Variants in SND1 observed in about 807,000 individuals in gnomAD.
SND1 encodes staphylococcal nuclease domain-containing protein 1.
Under a neutral mutation model 121.7 loss-of-function variants are expected in SND1, and 38 were observed. The ratio of observed to expected loss-of-function variants is 0.31; its 90% CI spans 0.24 to 0.41. SND1 has a LOEUF of 0.41. Among genes scored for constraint, SND1 ranks in the 10% least tolerant of loss-of-function variants. SND1 has a pLI of 1.00. For missense variants in SND1, 868 were observed against 1,184.6 expected (o/e 0.73, Z 3.92); for synonymous variants, 401 against 447.4 (o/e 0.90, Z 1.31).
intron 10 of SND1, among the ~76,000 whole-genome samples, chr7:127,754,572 T>A (rs1233585516): frequency 6.6e-6 from 1 of 151,994 alleles, no homozygotes; most frequent in African/African-American, 2.4e-5. Context: ...GAAAGAGAGA[T>A]GTGGCAATCA....
intron 14 of SND1, among the ~76,000 whole-genome samples, chr7:127,923,977 A>G (rs1800778706): frequency 7.2e-6 from 1 of 139,838 alleles, no homozygotes; most frequent in African/African-American, 2.5e-5. Flanking sequence ...ATTCGTTCTG[A>G]TCTCCACACT....
intron 16 of SND1, among the ~76,000 whole-genome samples, chr7:128,004,317 G>A (rs1285259475): frequency 1.3e-5 from 2 of 152,108 alleles, no homozygotes; most frequent in African/African-American, 2.4e-5. Flanking sequence ...CAGGTGTGGT[G>A]GGGAGGTTTC....
intron 10 of SND1, among the ~76,000 whole-genome samples, chr7:127,754,565 A>G (rs1161049982): frequency 7.9e-5 from 12 of 152,202 alleles, no homozygotes; most frequent in Non-Finnish European, 1.0e-4. Flanking sequence ...GTGGAGGGAA[A>G]GAGAGATGTG....
intron 13 of SND1, among the ~76,000 whole-genome samples, chr7:127,892,036 C>T (rs1486715979): frequency 6.6e-6 from 1 of 152,044 alleles, no homozygotes; most frequent in Admixed American, 6.6e-5. Context: ...TTCTTTGACC[C>T]TGGTTATTGC....
At position 127,898,554 on chromosome 7, in the gene SND1, G is replaced by A. The variant is rs544776295; in HGVS notation, c.1455-6193G>A. On this transcript the variant is annotated intron_variant, in intron 13 of 23. Transcript: ENST00000354725. ...CATGTTTCACTGATGTCTGTATTTGGTTCATGCTGAAAAACCATATTCCTC... is the reference window on the plus strand; with the variant it reads ...CATGTTTCACTGATGTCTGTATTTGATTCATGCTGAAAAACCATATTCCTC... Among the ~76,000 whole-genome samples the A allele has an allele frequency of 1.1e-4, 16 of 152,218 alleles. 1 individual carries two copies. In the South Asian group the frequency reaches 3.3e-3, roughly 32 times the overall value.
intron 14 of SND1, among the ~76,000 whole-genome samples, chr7:127,923,867 G>A (rs992961742): frequency 3.3e-5 from 5 of 152,042 alleles, no homozygotes; most frequent in Non-Finnish European, 4.4e-5. Flanking sequence ...TATCCTTAAC[G>A]ATTTGTTCTG....
intron 1 of SND1, among the ~76,000 whole-genome samples, chr7:127,679,896 C>T (rs980804640): frequency 6.6e-6 from 1 of 152,082 alleles, no homozygotes; most frequent in Admixed American, 6.5e-5. Context: ...TTGCAATGAG[C>T]ATTGGTGTAC....
chr7:127,907,766 G>A (rs1395215417), intron 14 of SND1, among the ~76,000 whole-genome samples: 1 of 152,144 alleles, frequency 6.6e-6, no homozygotes, highest in Admixed American at 6.6e-5. Flanking sequence ...CTGTAATTTT[G>A]TTCTAGTGTT....
At chr7:127,763,852 G>C (rs2116481839) in intron 10 of SND1, among the ~76,000 whole-genome samples, 1 of 151,834 alleles carries the variant, frequency 6.6e-6, no homozygotes, top group East Asian at 1.9e-4. Context: ...TCAGTATTTG[G>C]GGAGACTGAG....
intron 12 of SND1, among the ~76,000 whole-genome samples, chr7:127,879,043 G>T (rs1799743050): frequency 1.3e-5 from 2 of 152,144 alleles, no homozygotes; most frequent in Non-Finnish European, 2.9e-5. Flanking sequence ...GGTGTGGTGT[G>T]ACTCCTTGAA....
chr7:127,804,220 C>G (rs763799786), intron 10 of SND1, among the ~76,000 whole-genome samples: 2 of 152,118 alleles, frequency 1.3e-5, no homozygotes, highest in Non-Finnish European at 2.9e-5. Context: ...CTTCTAATAT[C>G]TCTCTTGTAA....
intron 10 of SND1, among the ~76,000 whole-genome samples, chr7:127,743,566 T>A: frequency 6.6e-6 from 1 of 152,210 alleles, no homozygotes; most frequent in East Asian, 1.9e-4. Context: ...TTATAACCTG[T>A]CCCTTCTGAA....
At chr7:127,904,374 T>G (rs1358610868) in intron 13 of SND1, 1 of 158,332 alleles carries the variant, frequency 6.3e-6, no homozygotes, top group Non-Finnish European at 1.4e-5. Context: ...ATGTTTCATG[T>G]GATTAAACAC....
At chr7:127,688,460 C>T (rs1222167796) in intron 2 of SND1, among the ~76,000 whole-genome samples, 3 of 151,134 alleles carry the variant, frequency 2.0e-5, no homozygotes, top group African/African-American at 7.3e-5. Context: ...GTAATCCAAG[C>T]ACTTTGGGAG....
At chr7:127,723,509 A>T (rs1796532159) in intron 10 of SND1, among the ~76,000 whole-genome samples, 1 of 152,194 alleles carries the variant, frequency 6.6e-6, no homozygotes, top group Admixed American at 6.5e-5. Flanking sequence ...TGGAGGAATG[A>T]TTTCCATTAT....
chr7:127,778,811 T>C (rs1209577035), intron 10 of SND1, among the ~76,000 whole-genome samples: 2 of 152,182 alleles, frequency 1.3e-5, no homozygotes, highest in African/African-American at 4.8e-5. Context: ...CAGAGTTCAC[T>C]TTAGATCCTT....
chr7:128,046,075 G>C (rs1220423011), intron 16 of SND1, among the ~76,000 whole-genome samples: 1 of 152,148 alleles, frequency 6.6e-6, no homozygotes, highest in Non-Finnish European at 1.5e-5. Context: ...TAGGGATTTG[G>C]AGGAGCCATG....
chr7:128,038,980 C>G (rs559411152), intron 16 of SND1, among the ~76,000 whole-genome samples: 58 of 152,326 alleles, frequency 3.8e-4, no homozygotes, highest in African/African-American at 1.4e-3. Context: ...AACAACCATA[C>G]TGCTTCCCAT....
chr7:127,979,396 C>T (rs753516553), intron 15 of SND1, among the ~76,000 whole-genome samples: 97 of 152,192 alleles, frequency 6.4e-4, no homozygotes, highest in Non-Finnish European at 1.0e-3. Flanking sequence ...ATTGCTGTGT[C>T]GTTTCCCTAT....
Sources: gnomAD v4.1 joint callset for allele counts (sites outside exome capture counted in the v4.1 genomes callset) on GRCh38, gnomAD v4.1.1 for gene constraint, MANE v1.5 for transcripts, NCBI Gene and HGNC (gene_info 2026-07-23, HGNC 2026-07-21) for gene names.